Variants in NEGR1 observed in about 807,000 individuals in gnomAD.
NEGR1 encodes the protein neuronal growth regulator 1, also known as IgLON family member 4.
In NEGR1, 10 loss-of-function variants were observed where a neutral mutation model predicts 40.9. The ratio of observed to expected loss-of-function variants is 0.24; its 90% confidence interval spans 0.15 to 0.42. The LOEUF (loss-of-function observed/expected upper bound fraction) is 0.42, where lower values mean the gene tolerates loss of function less well. NEGR1 is among the 10% of genes least tolerant of loss of function. The pLI is 1.00. For synonymous variants in NEGR1, 185 were observed against 166.8 expected, an observed-to-expected ratio of 1.11 and a Z score of -0.84; for missense variants, 352 against 438.9, an observed-to-expected ratio of 0.80 and a Z score of 1.77.
chr1:71,793,638 C>G (rs1165484380), intron 2 of NEGR1, among the ~76,000 whole-genome samples: 7 of 151,962 alleles, frequency 4.6e-5, no homozygotes, highest in Non-Finnish European at 1.0e-4. Flanking sequence ...AGCAATTTCA[C>G]TTATAAACAC....
chr1:71,557,693 C>T (rs1352321291), intron 6 of NEGR1, among the ~76,000 whole-genome samples: 7 of 151,578 alleles, frequency 4.6e-5, no homozygotes, highest in Admixed American at 6.6e-5. Context: ...TCTTATATAA[C>T]CATGGGACAA....
intron 1 of NEGR1, chr1:72,275,139 C>T (rs566658586): frequency 3.6e-5 from 26 of 724,114 alleles, no homozygotes; most frequent in Middle Eastern, 3.7e-4. Flanking sequence ...CCCGCACGTA[C>T]GATGCCACCC....
At chr1:71,979,398 G>A (rs1646335584) in intron 1 of NEGR1, among the ~76,000 whole-genome samples, 1 of 152,006 alleles carries the variant, frequency 6.6e-6, no homozygotes, top group Admixed American at 6.6e-5. Context: ...AAGTAAAAAA[G>A]AAACTTTCGA....
intron 1 of NEGR1, among the ~76,000 whole-genome samples, chr1:72,008,417 A>C (rs189519343): frequency 4.7e-4 from 72 of 152,230 alleles, no homozygotes; most frequent in African/African-American, 1.7e-3. Flanking sequence ...TTCTGACTCT[A>C]CATTCTAAGT....
rs943379274 is a variant in NEGR1, at chr1:71,647,022, G to C, written c.668-35876C>G. Among the ~76,000 whole-genome samples the C allele has an allele frequency of 4.0e-5, 6 of 151,888 alleles. No homozygotes were observed. The East Asian group carries it at 1.2e-3, about 29-fold the overall frequency. On this transcript the variant is annotated intron_variant, in intron 4 of 6. Transcript: ENST00000357731. ...ATAATCTTCATGTTTAGAAGTTGTTGACTCGAGCCATGTCAAATTCACATT... is the reference window on the plus strand; with the variant it reads ...ATAATCTTCATGTTTAGAAGTTGTTCACTCGAGCCATGTCAAATTCACATT...
Position 72,151,735 on chromosome 1 carries a change from T to C in NEGR1, c.176+130584A>G, listed in dbSNP as rs569787230. 1.8e-4 allele frequency among the ~76,000 whole-genome samples: 27 copies of C among 151,850 alleles called. 1 individual carries two copies. The East Asian group carries it at 5.2e-3, about 29-fold the overall frequency. Reference sequence around the variant, plus strand: ...ATACTTCTATGATCTAAGAAAAAAATTGATTTCTTCAAAAGACAAAAATCA... The same window carrying C: ...ATACTTCTATGATCTAAGAAAAAAACTGATTTCTTCAAAAGACAAAAATCA... On this transcript the variant is annotated intron_variant, in intron 1 of 6. Coordinates refer to ENST00000357731, the MANE Select transcript of NEGR1 (RefSeq NM_173808.3).
intron 1 of NEGR1, among the ~76,000 whole-genome samples, chr1:72,235,588 A>G (rs1442397491): frequency 6.6e-6 from 1 of 152,076 alleles, no homozygotes; most frequent in Non-Finnish European, 1.5e-5. Context: ...AAATGAGTAA[A>G]ATCTGGAAGG....
At chr1:71,954,040 C>T (rs1646095907) in intron 1 of NEGR1, among the ~76,000 whole-genome samples, 1 of 151,896 alleles carries the variant, frequency 6.6e-6, no homozygotes, top group African/African-American at 2.4e-5. Context: ...AAGAAGAGAT[C>T]ATATTTCACT....
chr1:71,839,159 A>G (rs1570416841), intron 2 of NEGR1, among the ~76,000 whole-genome samples: 4 of 130,428 alleles, frequency 3.1e-5, no homozygotes, highest in African/African-American at 1.3e-4. Flanking sequence ...GATAATTGAG[A>G]AAAAAAAAAA....
chr1:71,639,033 A>G (rs1012745744), intron 4 of NEGR1, among the ~76,000 whole-genome samples: 7 of 152,016 alleles, frequency 4.6e-5, no homozygotes, highest in African/African-American at 1.7e-4. Flanking sequence ...GAGTAGGCCT[A>G]TATCCCAAAT....
chr1:72,247,554 A>G (rs1178867861), intron 1 of NEGR1, among the ~76,000 whole-genome samples: 2 of 152,204 alleles, frequency 1.3e-5, no homozygotes, highest in Non-Finnish European at 2.9e-5. Flanking sequence ...GCTAACACAC[A>G]TGACCTTTAC....
At chr1:71,469,288 T>C (rs531208017) in intron 6 of NEGR1, among the ~76,000 whole-genome samples, 1 of 152,172 alleles carries the variant, frequency 6.6e-6, no homozygotes, top group African/African-American at 2.4e-5. Context: ...TGGACACCCA[T>C]TAAGATAATT....
rs1646274182 is a variant in NEGR1, at chr1:71,405,736, C to G, written c.*1710G>C. ...AAGCCATCCCTGCTAGGGCAACATA[C>G]TAGATATCTCAAATATGTATAACCA... On this transcript the variant is annotated 3_prime_UTR_variant, in exon 7 of 7. Coordinates refer to ENST00000357731, the MANE Select transcript of NEGR1 (RefSeq NM_173808.3). The G allele has an allele frequency of 6.6e-6, 1 of 151,386 alleles. No individual in the cohort carries two copies. The highest frequency in any genetic ancestry group is 2.4e-5 in the African/African-American group (1 of 41,136). The allele number at this position is 151,386 out of a possible 1,614,324, so 9.4% of individuals were successfully genotyped here. A position where few individuals can be genotyped will look rare whatever the true frequency, so the allele number is the denominator to read the frequency against.
chr1:71,691,875 T>C (rs1028705054), intron 4 of NEGR1, among the ~76,000 whole-genome samples: 15 of 151,622 alleles, frequency 9.9e-5, no homozygotes, highest in African/African-American at 3.4e-4. Flanking sequence ...TTCTTTCTTT[T>C]TTTTTTTTTA....
chr1:72,198,891 A>T (rs140964444), intron 1 of NEGR1, among the ~76,000 whole-genome samples: 5,121 of 152,064 alleles, frequency 0.034, 128 homozygotes, highest in Middle Eastern at 0.085. Context: ...ATATATTTAA[A>T]AATTGATTGT....
chr1:71,702,800 G>C (rs761986402), intron 3 of NEGR1, among the ~76,000 whole-genome samples: 3 of 150,524 alleles, frequency 2.0e-5, no homozygotes, highest in African/African-American at 7.3e-5. Context: ...TGGAAGAGAA[G>C]TAAACACAGT....
intron 1 of NEGR1, among the ~76,000 whole-genome samples, chr1:72,061,946 A>G (rs557411595): frequency 2.0e-5 from 3 of 151,850 alleles, no homozygotes; most frequent in African/African-American, 7.2e-5. Flanking sequence ...CAATAATCCA[A>G]CCCCAGACTT....
At chr1:71,888,314 T>C (rs12082919) in intron 2 of NEGR1, among the ~76,000 whole-genome samples, 40 of 152,106 alleles carry the variant, frequency 2.6e-4, no homozygotes, top group African/African-American at 9.4e-4. Flanking sequence ...ACCGGGTTCA[T>C]CTCACTAGGG....
intron 2 of NEGR1, among the ~76,000 whole-genome samples, chr1:71,874,214 C>G (rs886456948): frequency 6.6e-6 from 1 of 152,116 alleles, no homozygotes; most frequent in Non-Finnish European, 1.5e-5. Flanking sequence ...GTTATTAAGA[C>G]AGCTTTTAGA....
Sources: allele counts gnomAD v4.1 joint callset (sites outside exome capture counted in the v4.1 genomes callset), GRCh38; gene constraint gnomAD v4.1.1; transcripts MANE v1.5; gene names NCBI Gene and HGNC (gene_info 2026-07-23, HGNC 2026-07-21).